Variants in WASL observed in about 807,000 individuals in gnomAD.
WASL encodes the protein WASP like actin nucleation promoting factor, also known as actin nucleation-promoting factor WASL.
In WASL, 20 loss-of-function variants were observed where a neutral mutation model predicts 55.5. The observed-to-expected ratio is 0.36, with a 90% CI of 0.25 to 0.52. The LOEUF is 0.52. Among genes scored for constraint, WASL ranks in the 20% least tolerant of loss-of-function variants. The pLI, the probability that WASL is intolerant of heterozygous loss-of-function variation, is 0.92. For synonymous variants in WASL, 249 were observed against 217.6 expected (o/e 1.14, Z -1.27); for missense variants, 504 against 622.5 (o/e 0.81, Z 2.03).
chr7:123,691,514 T>A (rs1434144613), intron 9 of WASL, among the ~76,000 whole-genome samples: 1 of 152,178 alleles, frequency 6.6e-6, no homozygotes, highest in Non-Finnish European at 1.5e-5. Context: ...CCAAATATAG[T>A]TTTATAGAAC....
Position 123,692,662 on chromosome 7 carries a change from A to T in WASL, c.1032T>A (p.Pro344=). 1 of 1,559,620 alleles carries T rather than the reference A, an allele frequency of 6.4e-7. No individual in the cohort carries two copies. The highest frequency in any genetic ancestry group is 2.3e-5 in the East Asian group (1 of 44,414). ...AGGAGGGAAGGGCTGGAGGTGGAGG[A>T]GGGTACATCCTATTTGGCGGTGGTG... ...VPPPPPNRMY[P]PPPPALPSSA... Residue 344 remains proline, a synonymous_variant, in exon 9 of 11, where the codon CCT becomes CCA. Transcript: ENST00000223023.
intron 1 of WASL, among the ~76,000 whole-genome samples, chr7:123,720,619 G>A (rs1320118842): frequency 6.6e-6 from 1 of 151,494 alleles, no homozygotes; most frequent in Non-Finnish European, 1.5e-5. Context: ...CTGGATAAAT[G>A]AGAAACATCA....
At chr7:123,736,995 C>A (rs1186280458) in intron 1 of WASL, among the ~76,000 whole-genome samples, 1 of 152,070 alleles carries the variant, frequency 6.6e-6, no homozygotes, top group African/African-American at 2.4e-5. Context: ...AGTGTACTGG[C>A]CAAGAAATAA....
chr7:123,688,954 T>A, intron 10 of WASL, 88 bp downstream of exon 10: 1 of 1,143,174 alleles, frequency 8.7e-7, no homozygotes, highest in Non-Finnish European at 1.3e-6. Context: ...GTCATAAAAA[T>A]AACAGAACGT....
At chr7:123,716,597 A>G (rs1281499506) in intron 1 of WASL, among the ~76,000 whole-genome samples, 1 of 152,048 alleles carries the variant, frequency 6.6e-6, no homozygotes, top group Non-Finnish European at 1.5e-5. Context: ...ACAAGGGGAA[A>G]AAAAAGAGAG....
chr7:123,687,806 T>C (rs10270877), intron 10 of WASL, among the ~76,000 whole-genome samples: 68,749 of 151,490 alleles, frequency 0.45, 15,874 homozygotes, highest in South Asian at 0.66. Context: ...TATTTATCTC[T>C]ATCTCTGTAA....
At chr7:123,732,315 G>A (rs1427359563) in intron 1 of WASL, among the ~76,000 whole-genome samples, 1 of 152,128 alleles carries the variant, frequency 6.6e-6, no homozygotes, top group African/African-American at 2.4e-5. Flanking sequence ...GGGTGATAGA[G>A]CGAGACTCTG....
At chr7:123,742,242 T>C (rs2116828236) in intron 1 of WASL, among the ~76,000 whole-genome samples, 1 of 152,332 alleles carries the variant, frequency 6.6e-6, no homozygotes, top group South Asian at 2.1e-4. Context: ...ATGCCTAATT[T>C]TGGCATTCAT....
chr7:123,727,979 T>A (rs1325269687), intron 1 of WASL, among the ~76,000 whole-genome samples: 1 of 152,166 alleles, frequency 6.6e-6, no homozygotes, highest in Non-Finnish European at 1.5e-5. Flanking sequence ...AATGTAACCT[T>A]ACTTGCTTTA....
intron 10 of WASL, among the ~76,000 whole-genome samples, chr7:123,685,999 C>T (rs1035138815): frequency 4.7e-5 from 7 of 150,394 alleles, no homozygotes; most frequent in Admixed American, 2.6e-4. Context: ...AGGTGACATA[C>T]GTGTGGGTTA....
At chr7:123,741,342 C>A (rs1204183914) in intron 1 of WASL, among the ~76,000 whole-genome samples, 2 of 152,228 alleles carry the variant, frequency 1.3e-5, no homozygotes, top group Admixed American at 6.5e-5. Context: ...TTGTTTATAT[C>A]AATTACCCTA....
At chr7:123,694,977 T>G in intron 7 of WASL, 109 bp from the exon 8 acceptor site, 3 of 1,089,658 alleles carry the variant, frequency 2.8e-6, no homozygotes, top group Non-Finnish European at 3.9e-6. Flanking sequence ...ACTTTTAACA[T>G]GCTTATATTA....
chr7:123,732,901 T>C (rs1285737460), intron 1 of WASL, among the ~76,000 whole-genome samples: 3 of 152,176 alleles, frequency 2.0e-5, no homozygotes, highest in Non-Finnish European at 2.9e-5. Flanking sequence ...TCAACTAATA[T>C]AACCTATCAT....
In WASL at chr7:123,748,789, G is replaced by C. The variant is rs900608824; in HGVS notation, c.-55C>G. The stretch of plus-strand genomic sequence containing the variant: ...GCCGTCTCCTCCGGCGAGTGGGCGA[G>C]AGCTCGTTCCCCCTCTCGGTGACAG... On this transcript the variant is annotated 5_prime_UTR_variant, in exon 1 of 11. Transcript: ENST00000223023. The C allele has an allele frequency of 1.4e-6, 2 of 1,427,780 alleles. No homozygotes were observed. Among genetic ancestry groups the C allele is most frequent in the Non-Finnish European group, 9.3e-7 (1 of 1,070,912 alleles). 88.4% of individuals were successfully genotyped at this position (1,427,780 alleles called of 1,614,324 possible).
chr7:123,727,781 T>C (rs535203527), intron 1 of WASL, among the ~76,000 whole-genome samples: 1 of 152,302 alleles, frequency 6.6e-6, no homozygotes, highest in Non-Finnish European at 1.5e-5. Flanking sequence ...TCATCAAAGT[T>C]AATATTTAAG....
In WASL at chr7:123,692,240, A is replaced by G. The variant is rs1373642432; in HGVS notation, c.1347+107T>C. On this transcript the variant is annotated intron_variant, in intron 9 of 10. Coordinates refer to ENST00000223023, the MANE Select transcript of WASL (RefSeq NM_003941.4). Reference sequence around the variant, plus strand: ...AAATTTATAGGGTTAAGAATGAATTAGCAAGAGGAAAAAAGAATACACTTT... The same window carrying G: ...AAATTTATAGGGTTAAGAATGAATTGGCAAGAGGAAAAAAGAATACACTTT... 5 of 1,401,630 alleles carry G rather than the reference A, an allele frequency of 3.6e-6. No individual in the cohort carries two copies. The African/African-American group carries it at 7.3e-5, about 21-fold the overall frequency. The allele number at this position is 1,401,630 out of a possible 1,614,324, so 86.8% of individuals were successfully genotyped here. A position where few individuals can be genotyped will look rare whatever the true frequency, so the allele number is the denominator to read the frequency against.
intron 1 of WASL, 55 bp downstream of exon 1, chr7:123,748,563 A>C: frequency 1.9e-6 from 3 of 1,571,668 alleles, no homozygotes; most frequent in Non-Finnish European, 1.7e-6. Context: ...CCGGCCCCCA[A>C]GCCCGGGCCC....
chr7:123,737,842 T>C (rs1312957176), intron 1 of WASL, among the ~76,000 whole-genome samples: 1 of 152,198 alleles, frequency 6.6e-6, no homozygotes, highest in Non-Finnish European at 1.5e-5. Context: ...AGAAAGATTA[T>C]TCCACTTAAC....
intron 1 of WASL, among the ~76,000 whole-genome samples, chr7:123,731,763 T>C (rs554095667): frequency 6.6e-6 from 1 of 151,852 alleles, no homozygotes; most frequent in Non-Finnish European, 1.5e-5. Context: ...ATGTAACTCA[T>C]GAAAATGAGT....
Sources: allele counts gnomAD v4.1 joint callset (sites outside exome capture counted in the v4.1 genomes callset), GRCh38; gene constraint gnomAD v4.1.1; transcripts MANE v1.5; gene names NCBI Gene and HGNC (gene_info 2026-07-23, HGNC 2026-07-21).